The following CDC42BPA variants were observed in gnomAD, a reference collection of about 807,000 sequenced individuals.
The protein encoded by CDC42BPA is serine/threonine-protein kinase MRCK alpha.
CDC42BPA carries 80 observed loss-of-function variants against 223.5 expected under a neutral mutation model. The observed-to-expected ratio is 0.36, with a 90% CI of 0.30 to 0.43. The LOEUF is 0.43. CDC42BPA is among the 20% of genes least tolerant of loss of function. CDC42BPA has a pLI of 1.00. For synonymous variants in CDC42BPA, 694 were observed against 718.6 expected, an observed-to-expected ratio of 0.97 and a Z score of 0.55; for missense variants, 1,743 against 2,099.9, an observed-to-expected ratio of 0.83 and a Z score of 3.32.
intron 17 of CDC42BPA, among the ~76,000 whole-genome samples, chr1:227,077,710 CAACA>C (rs1323879970): frequency 1.3e-5 from 2 of 152,076 alleles, no homozygotes; most frequent in African/African-American, 4.8e-5. Context: ...TCAGTCTTAC[CAACA>C]AACAAAATAA....
chr1:227,081,406 T>C (rs1220358632), intron 16 of CDC42BPA, among the ~76,000 whole-genome samples: 1 of 151,848 alleles, frequency 6.6e-6, no homozygotes, highest in East Asian at 1.9e-4. Flanking sequence ...ATTTCAACAA[T>C]GATTACTTCA....
chr1:227,102,859 T>G (rs1572826063), intron 14 of CDC42BPA, among the ~76,000 whole-genome samples: 1 of 152,126 alleles, frequency 6.6e-6, no homozygotes, highest in African/African-American at 2.4e-5. Flanking sequence ...AATCTCAGTA[T>G]GTAAAAATCC....
intron 1 of CDC42BPA, among the ~76,000 whole-genome samples, chr1:227,311,564 A>C (rs1482811639): frequency 1.3e-5 from 2 of 152,142 alleles, no homozygotes; most frequent in Non-Finnish European, 2.9e-5. Context: ...CAAACTCAAA[A>C]ACGTATATAC....
intron 1 of CDC42BPA, among the ~76,000 whole-genome samples, chr1:227,276,414 G>A (rs994526574): frequency 2.1e-4 from 32 of 151,786 alleles, no homozygotes; most frequent in Admixed American, 1.6e-3. Flanking sequence ...AGTGAGGAGC[G>A]TCTCCGCCTG....
At chr1:227,170,911 T>TA (rs1665990734) in intron 5 of CDC42BPA, among the ~76,000 whole-genome samples, 1 of 152,212 alleles carries the variant, frequency 6.6e-6, no homozygotes, top group Admixed American at 6.5e-5. Context: ...CATAATGTGT[T>TA]ACACAGCAAT....
intron 1 of CDC42BPA, among the ~76,000 whole-genome samples, chr1:227,277,819 G>A (rs761877223): frequency 2.0e-5 from 3 of 152,026 alleles, no homozygotes; most frequent in Non-Finnish European, 2.9e-5. Flanking sequence ...GCGCAATCTC[G>A]GCTCACTGCA....
intron 1 of CDC42BPA, among the ~76,000 whole-genome samples, chr1:227,307,219 C>A (rs1265815136): frequency 2.0e-5 from 3 of 152,124 alleles, no homozygotes; most frequent in Admixed American, 1.3e-4. Context: ...GATATATACA[C>A]CCCATGCAAA....
chr1:227,173,291 A>C (rs903126083), intron 5 of CDC42BPA, among the ~76,000 whole-genome samples: 3 of 152,182 alleles, frequency 2.0e-5, no homozygotes, highest in Admixed American at 6.5e-5. Flanking sequence ...TTGCCTAAAG[A>C]CCACGGAATT....
At chr1:227,188,581 C>T (rs938700130) in intron 5 of CDC42BPA, among the ~76,000 whole-genome samples, 2 of 151,988 alleles carry the variant, frequency 1.3e-5, no homozygotes, top group African/African-American at 2.4e-5. Context: ...TATTGCTAAG[C>T]GAGAGAAGCC....
At chr1:227,080,460 G>A (rs930773569) in intron 17 of CDC42BPA, among the ~76,000 whole-genome samples, 1 of 152,004 alleles carries the variant, frequency 6.6e-6, no homozygotes, top group African/African-American at 2.4e-5. Context: ...AATTAATCTG[G>A]TATAATCATG....
intron 1 of CDC42BPA, among the ~76,000 whole-genome samples, chr1:227,268,364 C>A (rs76132272): frequency 2.0e-5 from 3 of 151,852 alleles, no homozygotes; most frequent in Non-Finnish European, 2.9e-5. Flanking sequence ...CTGTTTTAGT[C>A]GGTTTCTTTT....
At chr1:227,126,247 G>A (rs1217383692) in intron 11 of CDC42BPA, among the ~76,000 whole-genome samples, 1 of 152,170 alleles carries the variant, frequency 6.6e-6, no homozygotes, top group Non-Finnish European at 1.5e-5. Flanking sequence ...GCCTCCAGGG[G>A]TGCCACGTGC....
intron 3 of CDC42BPA, among the ~76,000 whole-genome samples, chr1:227,211,352 C>T (rs1391422021): frequency 6.6e-6 from 1 of 151,922 alleles, no homozygotes; most frequent in African/African-American, 2.4e-5. Flanking sequence ...GAAAACAGTA[C>T]GTCGATTTCT....
chr1:227,013,405 C>T (rs6665290), intron 34 of CDC42BPA, among the ~76,000 whole-genome samples: 54,113 of 144,638 alleles, frequency 0.37, 10,011 homozygotes, highest in Non-Finnish European at 0.44. Flanking sequence ...CTTTTTTTTT[C>T]TTAAAGTGGT....
At chr1:227,226,766 G>A (rs1290431600) in intron 2 of CDC42BPA, among the ~76,000 whole-genome samples, 1 of 152,102 alleles carries the variant, frequency 6.6e-6, no homozygotes. Flanking sequence ...CCACCTTCAA[G>A]CTCATGAGAT....
chr1:227,236,972 G>A (rs1679156485), intron 2 of CDC42BPA, among the ~76,000 whole-genome samples: 1 of 149,502 alleles, frequency 6.7e-6, no homozygotes, highest in Non-Finnish European at 1.5e-5. Flanking sequence ...GAGCTCAAGA[G>A]GTCGAGGCTA....
chr1:227,197,381 C>T (rs1178953531), intron 4 of CDC42BPA, among the ~76,000 whole-genome samples: 1 of 152,092 alleles, frequency 6.6e-6, no homozygotes, highest in African/African-American at 2.4e-5. Flanking sequence ...CCTAAAGAAA[C>T]ACTGGCAAGT....
intron 14 of CDC42BPA, among the ~76,000 whole-genome samples, chr1:227,101,576 GGAGT>G (rs1685062673): frequency 6.6e-6 from 1 of 152,050 alleles, no homozygotes; most frequent in Non-Finnish European, 1.5e-5. Context: ...GTTGGTGTAT[GGAGT>G]GAGAGAAAAA....
intron 1 of CDC42BPA, among the ~76,000 whole-genome samples, chr1:227,280,261 A>T (rs1176042706): frequency 6.6e-6 from 1 of 152,232 alleles, no homozygotes; most frequent in Non-Finnish European, 1.5e-5. Context: ...TTTGTAAGCT[A>T]GTGAAATAAA....
Sources: allele counts gnomAD v4.1 joint callset (sites outside exome capture counted in the v4.1 genomes callset), GRCh38; gene constraint gnomAD v4.1.1; transcripts MANE v1.5; gene names NCBI Gene and HGNC (gene_info 2026-07-23, HGNC 2026-07-21).